Variants in PECAM1 observed in about 807,000 individuals in gnomAD.
PECAM1 encodes the protein platelet and endothelial cell adhesion molecule 1.
PECAM1 carries 8 observed loss-of-function variants against 13.8 expected under a neutral mutation model. The observed-to-expected ratio is 0.58, with a 90% CI of 0.34 to 1.05. The LOEUF is 1.05. Ranked by LOEUF, PECAM1 falls within the 50% of genes least tolerant of loss-of-function variation. PECAM1 has a pLI of 0.03. For missense variants in PECAM1, 304 were observed against 141.2 expected, an observed-to-expected ratio of 2.15 and a Z score of -5.84; for synonymous variants, 136 against 52.6, an observed-to-expected ratio of 2.58 and a Z score of -6.86.
chr17:64,354,102 G>A (rs1488594932), intron 9 of PECAM1, among the ~76,000 whole-genome samples: 1 of 151,888 alleles, frequency 6.6e-6, no homozygotes, highest in African/African-American at 2.4e-5. Flanking sequence ...ACCACGTCTG[G>A]CCAATTTTTT....
intron 4 of PECAM1, among the ~76,000 whole-genome samples, chr17:64,373,521 T>A (rs1293664381): frequency 3.1e-5 from 2 of 64,268 alleles, no homozygotes; most frequent in African/African-American, 6.6e-5. Flanking sequence ...CAAAAGATGT[T>A]TTTTCTGTGT....
chr17:64,323,968 A>T (rs782699381), intron 15 of PECAM1, 123 bp from the exon 16 acceptor site: 7 of 796,056 alleles, frequency 8.8e-6, no homozygotes, highest in Admixed American at 1.7e-5. Flanking sequence ...GCTGTCACAC[A>T]CTGGTCCCCC....
chr17:64,338,851 G>A lies in PECAM1; in HGVS notation c.2164+2783C>T, dbSNP rs921938331. 1.5e-3 allele frequency among the ~76,000 whole-genome samples: 228 copies of A among 152,272 alleles called. 1 individual carries two copies. Among genetic ancestry groups the A allele is most frequent in the Middle Eastern group, 6.8e-3 (2 of 294 alleles). ...TGGGATTACAGGCGTGAGCCACTGCGATCAGCCTAAGATGCTTTATAGACC... is the reference window on the plus strand; with the variant it reads ...TGGGATTACAGGCGTGAGCCACTGCAATCAGCCTAAGATGCTTTATAGACC... On this transcript the variant is annotated intron_variant, in intron 14 of 15. Transcript: ENST00000563924.
chr17:64,343,881 A>C lies in PECAM1; in HGVS notation c.2108-2191T>G, dbSNP rs975658440. Reference sequence around the variant, plus strand: ...TATTGGGGGATCCTCCACATCCCCAAGACACCCTCTGCTTGATGTCAGGCC... The same window carrying C: ...TATTGGGGGATCCTCCACATCCCCACGACACCCTCTGCTTGATGTCAGGCC... On this transcript the variant is annotated intron_variant, in intron 13 of 15. Coordinates refer to ENST00000563924, the MANE Select transcript of PECAM1 (RefSeq NM_000442.5). Among the ~76,000 whole-genome samples the C allele has an allele frequency of 2.6e-4, 40 of 152,284 alleles. 1 individual carries two copies. Among genetic ancestry groups the C allele is most frequent in the African/African-American group, 9.6e-4 (40 of 41,566 alleles).
intron 15 of PECAM1, among the ~76,000 whole-genome samples, chr17:64,328,049 T>G (rs1321433191): frequency 2.0e-5 from 3 of 152,212 alleles, no homozygotes; most frequent in Non-Finnish European, 2.9e-5. Flanking sequence ...ACTCTATTCT[T>G]TTTTCTGGGG....
chr17:64,380,150 G>A lies in PECAM1; in HGVS notation c.92-2033C>T, dbSNP rs915547094. On this transcript the variant is annotated intron_variant, in intron 2 of 15. Coordinates refer to ENST00000563924, the MANE Select transcript of PECAM1 (RefSeq NM_000442.5). ...AGTTTAAGACCAGCCTGACCAACAT[G>A]GTGAAACCCTGTCTCTACTAAAAAT... 6.3e-3 allele frequency among the ~76,000 whole-genome samples: 951 copies of A among 152,056 alleles called. 8 individuals carry two copies. Among genetic ancestry groups the A allele is most frequent in the African/African-American group, 0.022 (912 of 41,500 alleles).
chr17:64,384,424 A>G (rs1487963532), intron 2 of PECAM1, among the ~76,000 whole-genome samples: 1 of 152,116 alleles, frequency 6.6e-6, no homozygotes, highest in Non-Finnish European at 1.5e-5. Flanking sequence ...TCTGCTCATC[A>G]CACTTACACG....
At position 64,360,255 on chromosome 17, in the gene PECAM1, A is replaced by G. The variant is rs2035941949; in HGVS notation, c.1377T>C (p.Asn459=). 6.3e-6 allele frequency: 3 copies of G among 475,394 alleles called. No individual in the cohort carries two copies. Among genetic ancestry groups the G allele is most frequent in the Non-Finnish European group, 1.2e-5 (3 of 259,054 alleles). 29.4% of individuals were successfully genotyped at this position (475,394 alleles called of 1,614,324 possible). A position where few individuals can be genotyped will look rare whatever the true frequency, so the allele number is the denominator to read the frequency against. Reference sequence around the variant, plus strand: ...GGTTGTCTTTGAATACCGCAGGATCATTTGAGTTCTTGGTACTATTCTCCA... The same window carrying G: ...GGTTGTCTTTGAATACCGCAGGATCGTTTGAGTTCTTGGTACTATTCTCCA... ...KVLENSTKNS[N]DPAVFKDNPT... is the part of the protein sequence containing the mutation. The change falls in exon 7 of 16, where the codon AAT becomes AAC. Residue 459 remains asparagine (N), a synonymous_variant. Transcript: ENST00000563924.
intron 13 of PECAM1, among the ~76,000 whole-genome samples, chr17:64,342,320 C>T (rs905558086): frequency 1.7e-3 from 258 of 152,296 alleles, no homozygotes; most frequent in African/African-American, 6.1e-3. Flanking sequence ...CAGCCTCCAG[C>T]TTGCTGGCCC....
chr17:64,357,648 C>T (rs2035875535), intron 7 of PECAM1, among the ~76,000 whole-genome samples: 1 of 152,188 alleles, frequency 6.6e-6, no homozygotes, highest in Non-Finnish European at 1.5e-5. Context: ...GTCCCACCAC[C>T]CACCAGCTGT....
In PECAM1 at chr17:64,347,495, A is replaced by G. The variant is rs2035599249; in HGVS notation, c.2107+765T>C. 2.0e-5 allele frequency among the ~76,000 whole-genome samples: 3 copies of G among 148,578 alleles called. No individual in the cohort carries two copies. In the South Asian group the frequency reaches 6.3e-4, roughly 31 times the overall value. On this transcript the variant is annotated intron_variant, in intron 13 of 15. Coordinates refer to ENST00000563924, the MANE Select transcript of PECAM1 (RefSeq NM_000442.5). ...CAGTGAGCTGAGATCTCGCAACTGC[A>G]CTCCAGCCTGGGCACAGAGTGAGAC... is the stretch of plus-strand genomic sequence containing the variant.
chr17:64,380,852 T>C (rs2036466226), intron 2 of PECAM1, among the ~76,000 whole-genome samples: 2 of 152,114 alleles, frequency 1.3e-5, no homozygotes. Context: ...CCAGGCATTG[T>C]GGCATGCACC....
intron 15 of PECAM1, 199 bp from the exon 16 acceptor site, chr17:64,324,044 G>T: frequency 2.4e-6 from 2 of 847,278 alleles, no homozygotes; most frequent in East Asian, 2.5e-5. Flanking sequence ...GATACACGTG[G>T]CCCCTCAGAA....
chr17:64,374,053 A>G (rs1266960277), intron 4 of PECAM1, among the ~76,000 whole-genome samples: 1 of 152,290 alleles, frequency 6.6e-6, no homozygotes, highest in East Asian at 1.9e-4. Context: ...ACAGGAGGCC[A>G]AGGCTGAGGA....
intron 13 of PECAM1, among the ~76,000 whole-genome samples, chr17:64,345,194 G>C (rs1016672250): frequency 1.3e-5 from 2 of 152,146 alleles, no homozygotes; most frequent in East Asian, 3.9e-4. Context: ...CCAGGGCCGG[G>C]CGCAGTGGCT....
At chr17:64,353,614 A>G (rs2035781937) in intron 9 of PECAM1, 96 bp from the exon 10 acceptor site, 2 of 418,352 alleles carry the variant, frequency 4.8e-6, no homozygotes, top group Non-Finnish European at 4.4e-6. Context: ...GCACTAACCT[A>G]ATAGATAGAA....
chr17:64,321,347 G>T lies in PECAM1; in HGVS notation c.*2469C>A. The T allele has an allele frequency of 1.2e-6, 1 of 835,200 alleles. No individual in the cohort carries two copies. The highest frequency in any genetic ancestry group is 1.4e-6 in the Non-Finnish European group (1 of 692,536). 51.7% of individuals were successfully genotyped at this position (835,200 alleles called of 1,614,324 possible). On this transcript the variant is annotated 3_prime_UTR_variant, in exon 16 of 16. Transcript: ENST00000563924. ...ACGGCAGCTGCCGAGGAAGGCTAAA[G>T]CCAGCGTCCTGGATTCAGACAGACC...
intron 14 of PECAM1, among the ~76,000 whole-genome samples, chr17:64,340,070 CG>C (rs1206078266): frequency 1.3e-5 from 2 of 151,890 alleles, no homozygotes; most frequent in Non-Finnish European, 2.9e-5. Context: ...CCTTAGGGGC[CG>C]GGGGGTGTTG....
intron 2 of PECAM1, among the ~76,000 whole-genome samples, chr17:64,386,056 G>A (rs1234104812): frequency 2.0e-5 from 3 of 152,200 alleles, no homozygotes; most frequent in Non-Finnish European, 4.4e-5. Context: ...TGAGCTAGGC[G>A]GGTGCAGTGG....
Sources: gnomAD v4.1 joint callset for allele counts (sites outside exome capture counted in the v4.1 genomes callset) on GRCh38, gnomAD v4.1.1 for gene constraint, MANE v1.5 for transcripts, NCBI Gene and HGNC (gene_info 2026-07-23, HGNC 2026-07-21) for gene names.